SNX25: variants seen among roughly 807,000 people sequenced by gnomAD.
The protein encoded by SNX25 is sorting nexin-25.
A neutral mutation model predicts 113.7 loss-of-function variants in SNX25; 62 were observed. That is an observed-to-expected ratio of 0.55 (90% confidence interval 0.44 to 0.67). The LOEUF (loss-of-function observed/expected upper bound fraction) is 0.67, where lower values mean the gene tolerates loss of function less well. SNX25 is among the 30% of genes least tolerant of loss of function. SNX25 has a pLI of 0.00. For synonymous variants in SNX25, 421 were observed against 436.2 expected (o/e 0.97, Z 0.43); for missense variants, 1,014 against 1,161.0 (o/e 0.87, Z 1.84).
Position 185,287,184 on chromosome 4 carries a change from C to G in SNX25, c.1092-828C>G, listed in dbSNP as rs1579627394. On this transcript the variant is annotated intron_variant, in intron 5 of 18. Transcript: ENST00000652585. ...ATTGAATTTATGCTCAAAATAGCTA[C>G]AACTCCAGGGTTGTACTCAGCACTT... 2.6e-5 allele frequency among the ~76,000 whole-genome samples: 4 copies of G among 152,186 alleles called. No individual in the cohort carries two copies. The East Asian group carries it at 5.8e-4, about 22-fold the overall frequency.
At chr4:185,290,360 G>T (rs1216812863) in intron 6 of SNX25, among the ~76,000 whole-genome samples, 2 of 152,138 alleles carry the variant, frequency 1.3e-5, no homozygotes, top group East Asian at 3.9e-4. Context: ...GGGTATCCTG[G>T]CTTCCTTCTG....
rs1742026381 is a variant in SNX25 at position 185,232,511 on chromosome 4, C to T, written c.430-14783C>T. Among the ~76,000 whole-genome samples, 1 of 152,172 alleles carries T rather than the reference C, an allele frequency of 6.6e-6. No individual in the cohort carries two copies. Among genetic ancestry groups the T allele is most frequent in the South Asian group, 2.1e-4 (1 of 4,824 alleles). Reference sequence around the variant, plus strand: ...CATGTCCACAGGCCGGATACCAGTACTTAGATTTATCATGCTTCAAAAATG... The same window carrying T: ...CATGTCCACAGGCCGGATACCAGTATTTAGATTTATCATGCTTCAAAAATG... On this transcript the variant is annotated intron_variant, in intron 1 of 18. Coordinates refer to ENST00000652585, the MANE Select transcript of SNX25 (RefSeq NM_001378034.2). This position sits in a 1 kb window ranked among gnomAD's most constrained non-coding sequence, Gnocchi z 4.4.
chr4:185,370,841 G>C, downstream of SNX25: 1 of 1,611,902 alleles, frequency 6.2e-7, no homozygotes, highest in Middle Eastern at 1.7e-4. Context: ...TTGTGAAATG[G>C]AAAAGACATC....
upstream of SNX25, among the ~76,000 whole-genome samples, chr4:185,208,702 T>C (rs1737317014): frequency 6.6e-6 from 1 of 151,646 alleles, no homozygotes; most frequent in Non-Finnish European, 1.5e-5. Context: ...CACTCCAGCC[T>C]GGGCAACAGA....
rs1415921606 is a variant in SNX25 at position 185,363,412 on chromosome 4, C to A, written c.2962C>A (p.Leu988Met). ...YALMELLLIELCPELRVHLDQ... is the reference protein window; with the variant it reads ...YALMELLLIEMCPELRVHLDQ... The stretch of plus-strand genomic sequence containing the variant: ...GCTGATGGAACTGCTGCTAATTGAA[C>A]TGTGTCCTGAGCTGAGAGTTCATTT... The change falls in exon 19 of 19, where the codon CTG (leucine) becomes ATG (methionine). Residue 988 changes from leucine to methionine, a missense_variant. Leu to Met is a conservative substitution (Grantham distance 15, BLOSUM62 2). Coordinates refer to ENST00000652585, the MANE Select transcript of SNX25 (RefSeq NM_001378034.2). This position sits in a 1 kb window ranked among gnomAD's most constrained non-coding sequence, Gnocchi z 4.2. The A allele has an allele frequency of 6.2e-7, 1 of 1,614,102 alleles. No individual in the cohort carries two copies. Among genetic ancestry groups the A allele is most frequent in the Admixed American group, 1.7e-5 (1 of 60,004 alleles).
intron 1 of SNX25, among the ~76,000 whole-genome samples, chr4:185,233,054 C>T (rs1213923620): frequency 5.9e-5 from 9 of 152,096 alleles, no homozygotes; most frequent in Admixed American, 6.6e-5. Flanking sequence ...GAGGCTGAGG[C>T]GGGTGGATCA....
chr4:185,375,381 G>A, the SNX25 span, among the ~76,000 whole-genome samples: 7 of 139,416 alleles, frequency 5.0e-5, no homozygotes, highest in Middle Eastern at 4.1e-3. Context: ...ACTCGAACCC[G>A]GGAAGCAGAG....
At chr4:185,278,397 G>A (rs1280706437) in intron 5 of SNX25, among the ~76,000 whole-genome samples, 1 of 152,204 alleles carries the variant, frequency 6.6e-6, no homozygotes, top group African/African-American at 2.4e-5. Flanking sequence ...GCATGACCTT[G>A]GGAAAGTCAT....
intron 2 of SNX25, among the ~76,000 whole-genome samples, chr4:185,249,346 T>C (rs1212792395): frequency 2.0e-5 from 3 of 152,210 alleles, no homozygotes; most frequent in Non-Finnish European, 4.4e-5. Flanking sequence ...GATGGGTGTA[T>C]CTTACTGTGG....
chr4:185,290,242 C>T (rs930152710), intron 6 of SNX25, among the ~76,000 whole-genome samples: 13 of 152,130 alleles, frequency 8.5e-5, no homozygotes, highest in African/African-American at 2.9e-4. Flanking sequence ...TTTGGGAGTG[C>T]GGGAAGGACA....
intron 16 of SNX25, among the ~76,000 whole-genome samples, chr4:185,360,391 A>G (rs1401977448): frequency 6.6e-6 from 1 of 152,224 alleles, no homozygotes; most frequent in Admixed American, 6.5e-5. Flanking sequence ...TGAAACATCT[A>G]CTGCAGATGT....
chr4:185,314,454 A>G (rs916286329), intron 7 of SNX25, among the ~76,000 whole-genome samples: 2 of 152,244 alleles, frequency 1.3e-5, no homozygotes, highest in African/African-American at 4.8e-5. Context: ...GATGCTACAT[A>G]CATTCAAAGG....
intron 6 of SNX25, among the ~76,000 whole-genome samples, chr4:185,301,458 C>T (rs1025711197): frequency 6.6e-6 from 1 of 152,140 alleles, no homozygotes; most frequent in African/African-American, 2.4e-5. Flanking sequence ...GTGGTGCAAT[C>T]TTGACTCACT....
downstream of SNX25, chr4:185,370,947 G>T: frequency 1.0e-6 from 1 of 959,292 alleles, no homozygotes; most frequent in Non-Finnish European, 1.6e-6. Flanking sequence ...GTTGTTTGCT[G>T]TGTGGGGAAG....
chr4:185,300,343 A>AT (rs1753473321), intron 6 of SNX25, among the ~76,000 whole-genome samples: 1 of 118,354 alleles, frequency 8.4e-6, no homozygotes, highest in African/African-American at 3.2e-5. Flanking sequence ...TTTTTTTTGT[A>AT]TTTTTAGTAG....
intron 5 of SNX25, among the ~76,000 whole-genome samples, chr4:185,270,677 T>G (rs1348771611): frequency 6.6e-6 from 1 of 152,192 alleles, no homozygotes; most frequent in Non-Finnish European, 1.5e-5. Flanking sequence ...TAGCAGTCAC[T>G]CCCCATTCCT....
At chr4:185,204,762 C>T (rs1272411565), upstream of SNX25, among the ~76,000 whole-genome samples, 1 of 152,184 alleles carries the variant, frequency 6.6e-6, no homozygotes, top group Non-Finnish European at 1.5e-5. Flanking sequence ...GCTGTGAGCA[C>T]AGAAGCTAGA....
chr4:185,235,916 A>G (rs897566968), intron 1 of SNX25, among the ~76,000 whole-genome samples: 1 of 152,112 alleles, frequency 6.6e-6, no homozygotes, highest in African/African-American at 2.4e-5. Flanking sequence ...GGGGCCGAAG[A>G]GAGAGTGCAG....
In SNX25 at chr4:185,323,755, GGAA is replaced by G; in HGVS notation, c.1708_1710del (p.Glu570del). ...TGTATGAGAAATTGTTGATAAAAGA[GGAA>G]GAAAAACATGCCTCACAGATGATTT... On this transcript the variant is annotated inframe_deletion, in exon 9 of 19. Transcript: ENST00000652585. 1 of 1,613,492 alleles carries G rather than the reference GGAA, an allele frequency of 6.2e-7. No individual in the cohort carries two copies. Among genetic ancestry groups the G allele is most frequent in the Non-Finnish European group, 8.5e-7 (1 of 1,179,814 alleles).
Sources: gnomAD v4.1 joint callset for allele counts (sites outside exome capture counted in the v4.1 genomes callset) on GRCh38, gnomAD v4.1.1 for gene constraint, Gnocchi (gnomAD v3.1) non-coding constraint, MANE v1.5 for transcripts, NCBI Gene and HGNC (gene_info 2026-07-23, HGNC 2026-07-21) for gene names.